Variants in ABCG1 observed in about 807,000 individuals in gnomAD.
ABCG1 encodes ATP binding cassette subfamily G member 1.
Under a neutral mutation model 69.2 loss-of-function variants are expected in ABCG1, and 29 were observed. The ratio of observed to expected loss-of-function variants is 0.42; its 90% confidence interval spans 0.31 to 0.57. The LOEUF (loss-of-function observed/expected upper bound fraction) is 0.57. Ranked by LOEUF, ABCG1 falls within the 20% of genes least tolerant of loss-of-function variation. The pLI is 0.15. For synonymous variants in ABCG1, 370 were observed against 374.8 expected (o/e 0.99, Z 0.15); for missense variants, 718 against 898.1 (o/e 0.80, Z 2.56).
At chr21:42,228,310 G>A (rs1230808825) in intron 2 of ABCG1, among the ~76,000 whole-genome samples, 3 of 152,152 alleles carry the variant, frequency 2.0e-5, no homozygotes, top group Non-Finnish European at 4.4e-5. Context: ...TGACAGACAG[G>A]ATATGTCTGC....
intron 1 of ABCG1, among the ~76,000 whole-genome samples, chr21:42,200,481 C>T (rs2067497503): frequency 6.6e-6 from 1 of 152,104 alleles, no homozygotes; most frequent in South Asian, 2.1e-4. Context: ...TATCAGGGGT[C>T]CCCAAACTTT....
At chr21:42,218,640 G>T (rs1487908110), upstream of ABCG1, among the ~76,000 whole-genome samples, 1 of 152,196 alleles carries the variant, frequency 6.6e-6, no homozygotes, top group African/African-American at 2.4e-5. Flanking sequence ...TGCTGTTGGG[G>T]GCGTTGGAGT....
chr21:42,233,316 G>A (rs1225845276), intron 2 of ABCG1, among the ~76,000 whole-genome samples: 1 of 152,136 alleles, frequency 6.6e-6, no homozygotes, highest in Non-Finnish European at 1.5e-5. Context: ...TCCAAATCTT[G>A]GAGCCAAAAG....
At position 42,296,428 on chromosome 21, in the gene ABCG1, C is replaced by T; in HGVS notation, c.*36C>T. On this transcript the variant is annotated 3_prime_UTR_variant, in exon 15 of 15. Transcript: ENST00000398449. The surrounding 1 kb of genome is among the most constrained non-coding windows in gnomAD (Gnocchi z 5.4). ...TGCCAGGAAACAGGAAGATTAGACA[C>T]TGTGGCCGAGGGCACGTCTAGAATC... The T allele has an allele frequency of 6.3e-7, 1 of 1,581,082 alleles. No homozygotes were observed.
upstream of ABCG1, among the ~76,000 whole-genome samples, chr21:42,216,707 C>A (rs137883448): frequency 3.0e-3 from 450 of 152,308 alleles, 2 homozygotes; most frequent in African/African-American, 0.01. Context: ...GAAACCACTG[C>A]ACTCCGAACC....
intron 2 of ABCG1, among the ~76,000 whole-genome samples, chr21:42,237,893 C>G (rs750878020): frequency 2.0e-5 from 3 of 152,182 alleles, no homozygotes; most frequent in African/African-American, 7.2e-5. Flanking sequence ...AAGCAGCCTA[C>G]TCTTGAATGC....
rs143298194 is a variant in ABCG1 at position 42,291,181 on chromosome 21, G to C, written c.1483G>C (p.Val495Leu). 5 of 1,613,182 alleles carry C rather than the reference G, an allele frequency of 3.1e-6. No homozygotes were observed. In the African/African-American group the frequency reaches 5.3e-5, roughly 17 times the overall value. The change falls in exon 12 of 15, where the codon GTG (valine) becomes CTG (leucine). Residue 495 changes from valine to leucine, a missense_variant. By Grantham distance (32) the Val-to-Leu change is conservative. Transcript: ENST00000398449. This position sits in a 1 kb window ranked among gnomAD's most constrained non-coding sequence, Gnocchi z 6.4. Reference protein sequence around the residue: ...AYYLAKTMADVPFQIMFPVAY... With the variant: ...AYYLAKTMADLPFQIMFPVAY... ...CTACCTGGCCAAGACCATGGCAGACGTGCCCTTTCAGGTGTGTTAGCCAGG... is the reference window on the plus strand; with the variant it reads ...CTACCTGGCCAAGACCATGGCAGACCTGCCCTTTCAGGTGTGTTAGCCAGG...
chr21:42,225,672 A>G lies in ABCG1; in HGVS notation c.44A>G (p.Asn15Ser), dbSNP rs2067803514. ...TGTTGCTTCCTCTGGTTTTTCTAGA[A>G]TGCCAGCAGTTACTCTGCAGAGATG... ...MAAFSVGTAM[N>S]ASSYSAEMTE... The change falls in exon 2 of 15, where the codon AAT (asparagine) becomes AGT (serine). Residue 15 changes from asparagine to serine, a missense_variant and splice_region_variant. By Grantham distance (46) the Asn-to-Ser change is conservative. Coordinates refer to ENST00000398449, the MANE Select transcript of ABCG1 (RefSeq NM_016818.3). 1 of 1,610,912 alleles carries G rather than the reference A, an allele frequency of 6.2e-7. No homozygotes were observed. The highest frequency in any genetic ancestry group is 1.7e-5 in the Admixed American group (1 of 59,604).
chr21:42,274,242 C>G (rs2068669087), intron 4 of ABCG1, among the ~76,000 whole-genome samples: 1 of 152,232 alleles, frequency 6.6e-6, no homozygotes, highest in Admixed American at 6.5e-5. Context: ...GGTGCCTAAT[C>G]AATTCAACTT....
chr21:42,272,632 T>C (rs565734802), intron 3 of ABCG1, among the ~76,000 whole-genome samples: 13 of 152,366 alleles, frequency 8.5e-5, no homozygotes, highest in Middle Eastern at 3.4e-3. Flanking sequence ...GCTGCACTGA[T>C]GCTCCCAGAA....
chr21:42,274,162 C>G (rs77804490), intron 4 of ABCG1, among the ~76,000 whole-genome samples: 1 of 152,128 alleles, frequency 6.6e-6, no homozygotes, highest in African/African-American at 2.4e-5. Flanking sequence ...TCTGCAAGAC[C>G]GTATGGGGTT....
chr21:42,245,926 C>T (rs2068127925), intron 2 of ABCG1, among the ~76,000 whole-genome samples: 1 of 151,952 alleles, frequency 6.6e-6, no homozygotes, highest in Non-Finnish European at 1.5e-5. Flanking sequence ...GACTCAGCAG[C>T]ACAAGACCAC....
intron 2 of ABCG1, among the ~76,000 whole-genome samples, chr21:42,228,418 T>C (rs2067851767): frequency 6.6e-6 from 1 of 152,196 alleles, no homozygotes; most frequent in Non-Finnish European, 1.5e-5. Context: ...CCTGCGTCTG[T>C]CTTCCCTCTC....
rs2069065643 is a variant in ABCG1 at position 42,291,734 on chromosome 21, C to T, written c.1653+78C>T. On this transcript the variant is annotated intron_variant, in intron 13 of 14. Coordinates refer to ENST00000398449, the MANE Select transcript of ABCG1 (RefSeq NM_016818.3). The surrounding 1 kb of genome is among the most constrained non-coding windows in gnomAD (Gnocchi z 6.4). Reference sequence around the variant, plus strand: ...CTACCTTGGCCTGAGCTAGGGGGCTCTGCCACCCCTTCCCCTACTTCTGCC... The same window carrying T: ...CTACCTTGGCCTGAGCTAGGGGGCTTTGCCACCCCTTCCCCTACTTCTGCC... 6.9e-7 allele frequency: 1 copy of T among 1,440,506 alleles called. No individual in the cohort carries two copies. Among genetic ancestry groups the T allele is most frequent in the Non-Finnish European group, 9.2e-7 (1 of 1,085,856 alleles). 89.2% of individuals were successfully genotyped at this position (1,440,506 alleles called of 1,614,324 possible).
intron 2 of ABCG1, among the ~76,000 whole-genome samples, chr21:42,207,549 C>T (rs2067552717): frequency 1.3e-5 from 2 of 152,250 alleles, no homozygotes; most frequent in African/African-American, 4.8e-5. Flanking sequence ...AATTCTAACA[C>T]TGCTGTCCTC....
At chr21:42,249,232 G>C (rs931307701) in intron 2 of ABCG1, among the ~76,000 whole-genome samples, 1 of 152,146 alleles carries the variant, frequency 6.6e-6, no homozygotes, top group Non-Finnish European at 1.5e-5. Flanking sequence ...GAGGGGCGCC[G>C]GGCCTGGGGT....
At chr21:42,261,933 C>T (rs1004200182) in intron 2 of ABCG1, among the ~76,000 whole-genome samples, 6 of 152,194 alleles carry the variant, frequency 3.9e-5, no homozygotes, top group Non-Finnish European at 7.3e-5. Flanking sequence ...GTGGACAACA[C>T]GCCTTTGTTG....
At position 42,291,074 on chromosome 21, in the gene ABCG1, T is replaced by G. The variant is rs776015534; in HGVS notation, c.1394-18T>G. The stretch of plus-strand genomic sequence containing the variant: ...CACATGGTCACTGACCCTTCTTTTT[T>G]GCTTTTCTATCTCCTAGTTCCCCTG... On this transcript the variant is annotated intron_variant, in intron 11 of 14. Coordinates refer to ENST00000398449, the MANE Select transcript of ABCG1 (RefSeq NM_016818.3). The surrounding 1 kb of genome is among the most constrained non-coding windows in gnomAD (Gnocchi z 6.4). 2 of 1,598,230 alleles carry G rather than the reference T, an allele frequency of 1.3e-6. No individual in the cohort carries two copies. The highest frequency in any genetic ancestry group is 3.3e-5 in the Admixed American group (2 of 59,932).
rs546740968 is a variant in ABCG1 at position 42,269,076 on chromosome 21, A to G, written c.287-1994A>G. The stretch of plus-strand genomic sequence containing the variant: ...GAACCCTCAGGTGGGTCGTGGCCAT[A>G]GTCAGATGATGGCTGCTGGTGAGCT... On this transcript the variant is annotated intron_variant, in intron 2 of 14. Coordinates refer to ENST00000398449, the MANE Select transcript of ABCG1 (RefSeq NM_016818.3). Among the ~76,000 whole-genome samples, 10 of 152,174 alleles carry G rather than the reference A, an allele frequency of 6.6e-5. No homozygotes were observed. The East Asian group carries it at 1.9e-3, about 29-fold the overall frequency.
Sources: allele counts gnomAD v4.1 joint callset (sites outside exome capture counted in the v4.1 genomes callset), GRCh38; gene constraint gnomAD v4.1.1; non-coding constraint Gnocchi (gnomAD v3.1); transcripts MANE v1.5; gene names NCBI Gene and HGNC (gene_info 2026-07-23, HGNC 2026-07-21).